Variants in SIPA1L1 observed in about 807,000 individuals in gnomAD.
SIPA1L1 encodes the protein signal induced proliferation associated 1 like 1.
SIPA1L1 carries 26 observed loss-of-function variants against 162.7 expected under a neutral mutation model. The ratio of observed to expected loss-of-function variants is 0.16; its 90% CI spans 0.12 to 0.22. The LOEUF (loss-of-function observed/expected upper bound fraction) is 0.22. Among genes scored for constraint, SIPA1L1 ranks in the 10% least tolerant of loss-of-function variants. The probability of loss-of-function intolerance (pLI) is 1.00; values close to 1 mark genes in which losing one functional copy is unlikely to be tolerated. For missense variants in SIPA1L1, 1,874 were observed against 2,241.0 expected (o/e 0.84, Z 3.31); for synonymous variants, 829 against 837.4 (o/e 0.99, Z 0.17).
chr14:71,396,104 T>G (rs2041174872), intron 2 of SIPA1L1, among the ~76,000 whole-genome samples: 1 of 152,108 alleles, frequency 6.6e-6, no homozygotes, highest in Non-Finnish European at 1.5e-5. Context: ...TCCTTCTGTA[T>G]GCATGGTCCA....
intron 12 of SIPA1L1, among the ~76,000 whole-genome samples, chr14:71,675,791 G>C (rs901804317): frequency 6.6e-6 from 1 of 152,132 alleles, no homozygotes; most frequent in Non-Finnish European, 1.5e-5. Flanking sequence ...GTGGTTCTTA[G>C]GGTCGCCAGG....
At chr14:71,627,026 G>A (rs1169914586) in intron 7 of SIPA1L1, among the ~76,000 whole-genome samples, 1 of 149,926 alleles carries the variant, frequency 6.7e-6, no homozygotes, top group African/African-American at 2.4e-5. Context: ...GCTGAAGTAT[G>A]CATTTCAATT....
intron 5 of SIPA1L1, among the ~76,000 whole-genome samples, chr14:71,613,430 A>C (rs1237849434): frequency 6.6e-6 from 1 of 151,470 alleles, no homozygotes; most frequent in East Asian, 1.9e-4. Context: ...GCTTTGCTGC[A>C]TTATATCATT....
chr14:71,661,272 G>A (rs1355674162), intron 9 of SIPA1L1, 38 bp from the exon 10 acceptor site: 1 of 1,604,156 alleles, frequency 6.2e-7, no homozygotes, highest in Admixed American at 1.7e-5. Flanking sequence ...GGAAGCAAAT[G>A]ATTGTTATTT....
At chr14:71,404,093 A>G (rs2041874831) in intron 2 of SIPA1L1, among the ~76,000 whole-genome samples, 2 of 151,366 alleles carry the variant, frequency 1.3e-5, no homozygotes, top group South Asian at 4.2e-4. Flanking sequence ...AGAAAGCTAA[A>G]AATTCTGTTT....
At chr14:71,515,589 A>G (rs1334422629) in intron 3 of SIPA1L1, among the ~76,000 whole-genome samples, 2 of 152,178 alleles carry the variant, frequency 1.3e-5, no homozygotes, top group African/African-American at 4.8e-5. Context: ...GATTTCGTAC[A>G]TACTGTAACC....
intron 17 of SIPA1L1, among the ~76,000 whole-genome samples, chr14:71,717,106 G>A (rs909179729): frequency 7.2e-5 from 11 of 152,116 alleles, no homozygotes; most frequent in African/African-American, 2.7e-4. Context: ...TACCTTGTTG[G>A]CCAGGATGGT....
intron 2 of SIPA1L1, among the ~76,000 whole-genome samples, chr14:71,338,247 G>A (rs1306242843): frequency 3.9e-5 from 6 of 152,214 alleles, no homozygotes; most frequent in African/African-American, 1.2e-4. Context: ...TTCATCAAGG[G>A]TGTTTAGCCT....
chr14:71,420,973 G>A (rs1178007314), intron 2 of SIPA1L1, among the ~76,000 whole-genome samples: 3 of 152,166 alleles, frequency 2.0e-5, no homozygotes, highest in Non-Finnish European at 2.9e-5. Context: ...CACATCGCAC[G>A]TGTCTCTTTT....
chr14:71,330,550 A>G, intron 2 of SIPA1L1: 1 of 1,379,350 alleles, frequency 7.2e-7, no homozygotes, highest in Non-Finnish European at 1.0e-6. Flanking sequence ...GAAGATGCCT[A>G]GCTGGGAGGC....
chr14:71,661,233 C>A, intron 9 of SIPA1L1, 77 bp from the exon 10 acceptor site: 1 of 1,464,710 alleles, frequency 6.8e-7, no homozygotes. Flanking sequence ...GTTTTAAATA[C>A]AGCTATATAA....
At chr14:71,453,472 C>T (rs1474661036) in intron 2 of SIPA1L1, among the ~76,000 whole-genome samples, 3 of 151,950 alleles carry the variant, frequency 2.0e-5, no homozygotes, top group Non-Finnish European at 4.4e-5. Flanking sequence ...ACTGTGCTGC[C>T]CAGGCTGCAT....
chr14:71,658,520 AC>A, intron 9 of SIPA1L1, 84 bp downstream of exon 9: 1 of 899,136 alleles, frequency 1.1e-6, no homozygotes, highest in African/African-American at 1.7e-5. Flanking sequence ...AAAATCTTAA[AC>A]CAGAATTTAG....
At chr14:71,581,266 A>G (rs185685954) in intron 4 of SIPA1L1, among the ~76,000 whole-genome samples, 34 of 152,208 alleles carry the variant, frequency 2.2e-4, no homozygotes, top group African/African-American at 7.7e-4. Context: ...CCTGGGCTTA[A>G]GAAACCCTCC....
chr14:71,518,230 G>A (rs2051939237), intron 3 of SIPA1L1, among the ~76,000 whole-genome samples: 1 of 151,692 alleles, frequency 6.6e-6, no homozygotes, highest in Admixed American at 6.6e-5. Flanking sequence ...GTTGTAGTGA[G>A]CCAAGATCAT....
intron 4 of SIPA1L1, among the ~76,000 whole-genome samples, chr14:71,544,092 C>G (rs560183000): frequency 2.7e-5 from 4 of 149,056 alleles, no homozygotes; most frequent in Middle Eastern, 3.5e-3. Context: ...TATGTATATA[C>G]ACACGCACAT....
At chr14:71,478,438 C>T (rs1383108260) in intron 2 of SIPA1L1, among the ~76,000 whole-genome samples, 4 of 151,858 alleles carry the variant, frequency 2.6e-5, no homozygotes, top group Non-Finnish European at 2.9e-5. Context: ...AACTCTTTGA[C>T]TAACTAAAGG....
intron 17 of SIPA1L1, among the ~76,000 whole-genome samples, chr14:71,712,741 A>G (rs1185543686): frequency 2.0e-5 from 3 of 152,188 alleles, no homozygotes; most frequent in African/African-American, 7.2e-5. Context: ...GCTTAATTTG[A>G]GAACACACAT....
At chr14:71,504,471 G>C (rs2050494318) in intron 2 of SIPA1L1, among the ~76,000 whole-genome samples, 3 of 152,014 alleles carry the variant, frequency 2.0e-5, no homozygotes, top group Non-Finnish European at 4.4e-5. Context: ...CTCCTTTTCT[G>C]TTGTAGTTAT....
Sources: allele counts gnomAD v4.1 joint callset (sites outside exome capture counted in the v4.1 genomes callset), GRCh38; gene constraint gnomAD v4.1.1; transcripts MANE v1.5; gene names NCBI Gene and HGNC (gene_info 2026-07-23, HGNC 2026-07-21).